SENP2: variants seen among roughly 807,000 people sequenced by gnomAD.
The protein encoded by SENP2 is SUMO specific peptidase 2, also known as sentrin-specific protease 2.
In SENP2, 16 loss-of-function variants were observed where a neutral mutation model predicts 86.3. The ratio of observed to expected loss-of-function variants is 0.19; its 90% CI spans 0.13 to 0.28. The LOEUF (loss-of-function observed/expected upper bound fraction) is 0.28, where lower values mean the gene tolerates loss of function less well. SENP2 is among the 10% of genes least tolerant of loss of function. The probability of loss-of-function intolerance (pLI) is 1.00; values close to 1 mark genes in which losing one functional copy is unlikely to be tolerated. For missense variants in SENP2, 552 were observed against 703.0 expected (o/e 0.79, Z 2.43); for synonymous variants, 222 against 238.7 (o/e 0.93, Z 0.64).
intron 5 of SENP2, among the ~76,000 whole-genome samples, chr3:185,605,411 A>T (rs968361042): frequency 9.2e-5 from 14 of 151,992 alleles, no homozygotes; most frequent in Non-Finnish European, 1.8e-4. Flanking sequence ...ATGATCATGG[A>T]TTACCAACAT....
At chr3:185,599,826 T>G (rs886072109) in intron 4 of SENP2, among the ~76,000 whole-genome samples, 1 of 139,794 alleles carries the variant, frequency 7.2e-6, no homozygotes, top group Non-Finnish European at 1.6e-5. Flanking sequence ...TTTTTTTTTT[T>G]GAGATGGAGT....
rs1291362309 is a variant in SENP2 at position 185,612,842 on chromosome 3, GA to G, written c.869+185del. Among the ~76,000 whole-genome samples, 4 of 152,246 alleles carry G rather than the reference GA, an allele frequency of 2.6e-5. No homozygotes were observed. The East Asian group carries it at 5.8e-4, about 22-fold the overall frequency. Reference sequence around the variant, plus strand: ...GATGCCCACCCTAGCCTGGTGGGTTGAGGGGGGTGCCCCTTATCTCCCAGGC... The same window carrying G: ...GATGCCCACCCTAGCCTGGTGGGTTGGGGGGGTGCCCCTTATCTCCCAGGC... On this transcript the variant is annotated intron_variant, in intron 9 of 16. Transcript: ENST00000296257.
intron 16 of SENP2, among the ~76,000 whole-genome samples, chr3:185,628,651 A>C (rs146202454): frequency 0.02 from 3,023 of 152,108 alleles, 108 homozygotes; most frequent in African/African-American, 0.068. Context: ...TGATTACAGG[A>C]ATGCGCCACC....
At position 185,614,708 on chromosome 3, in the gene SENP2, A is replaced by C. The variant is rs1577735402; in HGVS notation, c.1078A>C (p.Arg360=). Reference sequence around the variant, plus strand: ...GAATTGCTCAGGCAAAGAGAGGGACAGAAGAACGGACGATCTCCTTGAACT... The same window carrying C: ...GAATTGCTCAGGCAAAGAGAGGGACCGAAGAACGGACGATCTCCTTGAACT... ...EKNCSGKERD[R]RTDDLLELTE... The change falls in exon 11 of 17, where the codon AGA becomes CGA. Residue 360 remains arginine, a synonymous_variant. Coordinates refer to ENST00000296257, the MANE Select transcript of SENP2 (RefSeq NM_021627.3). 3.1e-6 allele frequency: 5 copies of C among 1,614,232 alleles called. No individual in the cohort carries two copies. The East Asian group carries it at 1.1e-4, about 36-fold the overall frequency.
chr3:185,627,948 A>G (rs1278972924), intron 16 of SENP2, among the ~76,000 whole-genome samples: 2 of 152,210 alleles, frequency 1.3e-5, no homozygotes, highest in Non-Finnish European at 2.9e-5. Context: ...TGAAGTAACT[A>G]GGACTCCCGT....
chr3:185,591,466 C>T (rs898086738), intron 2 of SENP2, among the ~76,000 whole-genome samples: 1 of 151,426 alleles, frequency 6.6e-6, no homozygotes, highest in Admixed American at 6.6e-5. Context: ...ATTCTCCTGC[C>T]TCAGCCTCCT....
chr3:185,625,302 G>C (rs538595553), intron 15 of SENP2, among the ~76,000 whole-genome samples: 1 of 152,138 alleles, frequency 6.6e-6, no homozygotes, highest in African/African-American at 2.4e-5. Context: ...TAGTAGAGAC[G>C]GAGTTTCACC....
Position 185,598,445 on chromosome 3 carries a change from A to G in SENP2, c.191A>G (p.Tyr64Cys), listed in dbSNP as rs1293118304. 4 of 1,614,036 alleles carry G rather than the reference A, an allele frequency of 2.5e-6. No homozygotes were observed. Among genetic ancestry groups the G allele is most frequent in the Non-Finnish European group, 3.4e-6 (4 of 1,179,998 alleles). Residue 64 changes from tyrosine to cysteine, a missense_variant, in exon 3 of 17, where the codon TAC becomes TGC. Physicochemically the swap from Tyr to Cys is radical, Grantham distance 194. Transcript: ENST00000296257. ...CFIHQVKNSL[Y>C]NAASLFGFPF... Reference sequence around the variant, plus strand: ...ATTCACCAAGTGAAAAACAGTCTCTACAATGCTGCCAGCTTATTTGGATTC... The same window carrying G: ...ATTCACCAAGTGAAAAACAGTCTCTGCAATGCTGCCAGCTTATTTGGATTC...
At chr3:185,600,731 TCA>T in intron 4 of SENP2, 32 bp from the exon 5 acceptor site, 1 of 1,414,208 alleles carries the variant, frequency 7.1e-7, no homozygotes, top group South Asian at 1.2e-5. Flanking sequence ...AAGTGATTTT[TCA>T]TTTTACAATT....
chr3:185,607,770 C>G (rs1210469539), intron 6 of SENP2, among the ~76,000 whole-genome samples: 2 of 152,176 alleles, frequency 1.3e-5, no homozygotes, highest in East Asian at 3.8e-4. Context: ...AAGCGATCCT[C>G]CAGCGTCAGC....
chr3:185,622,672 G>A (rs1711943694), intron 14 of SENP2, among the ~76,000 whole-genome samples: 2 of 152,004 alleles, frequency 1.3e-5, no homozygotes, highest in Admixed American at 1.3e-4. Flanking sequence ...TGTAAGATGT[G>A]TATAAATTGT....
Position 185,611,607 on chromosome 3 carries a change from C to T in SENP2, c.723-44C>T, listed in dbSNP as rs750786203. 31 of 1,310,460 alleles carry T rather than the reference C, an allele frequency of 2.4e-5. No homozygotes were observed. The Admixed American group carries it at 3.1e-4, about 13-fold the overall frequency. 81.2% of individuals were successfully genotyped at this position (1,310,460 alleles called of 1,614,324 possible). ...AGAGATAATGCATATTAATGGTAGA[C>T]TTTGCTTTTGTATCTGATCTCCCTC... On this transcript the variant is annotated intron_variant, in intron 7 of 16. Transcript: ENST00000296257.
intron 6 of SENP2, among the ~76,000 whole-genome samples, chr3:185,608,125 T>C (rs1280410701): frequency 2.0e-5 from 3 of 152,256 alleles, no homozygotes; most frequent in African/African-American, 7.2e-5. Context: ...TGTACTGTGC[T>C]AGCAATTCAA....
chr3:185,624,120 C>A, intron 15 of SENP2, 38 bp downstream of exon 15: 1 of 1,419,650 alleles, frequency 7.0e-7, no homozygotes, highest in South Asian at 1.2e-5. Context: ...TACTTGGTTG[C>A]ATTTACTAAT....
At chr3:185,593,540 G>T (rs1044959147) in intron 2 of SENP2, among the ~76,000 whole-genome samples, 1 of 152,146 alleles carries the variant, frequency 6.6e-6, no homozygotes, top group Non-Finnish European at 1.5e-5. Flanking sequence ...TGTAACATTT[G>T]AATGATGATT....
intron 16 of SENP2, 65 bp from the exon 17 acceptor site, chr3:185,629,717 C>A (rs79520266): frequency 1.3e-6 from 2 of 1,486,562 alleles, no homozygotes; most frequent in Admixed American, 3.3e-5. Context: ...ATGATTACAC[C>A]TGAAGGTTGT....
chr3:185,590,322 C>T (rs972181511), intron 2 of SENP2, among the ~76,000 whole-genome samples, 153 bp downstream of exon 2: 8 of 152,066 alleles, frequency 5.3e-5, no homozygotes, highest in African/African-American at 1.9e-4. Context: ...CCAAGGCAGG[C>T]GGATCACCTG....
At chr3:185,587,478 T>G (rs1490478551) in intron 1 of SENP2, among the ~76,000 whole-genome samples, 4 of 152,116 alleles carry the variant, frequency 2.6e-5, no homozygotes, top group African/African-American at 4.8e-5. Context: ...AGTGTCCCAT[T>G]TTATTGTATC....
chr3:185,616,706 C>T (rs1283742239), intron 11 of SENP2, among the ~76,000 whole-genome samples: 1 of 146,296 alleles, frequency 6.8e-6, no homozygotes, highest in African/African-American at 2.6e-5. Context: ...CCCCGGGAGG[C>T]GGAGCTTGCA....
Sources: allele counts gnomAD v4.1 joint callset (sites outside exome capture counted in the v4.1 genomes callset), GRCh38; gene constraint gnomAD v4.1.1; transcripts MANE v1.5; gene names NCBI Gene and HGNC (gene_info 2026-07-23, HGNC 2026-07-21).